NPHP4: variants seen among roughly 807,000 people sequenced by gnomAD.
The protein encoded by NPHP4 is nephrocystin-4.
NPHP4 carries 151 observed loss-of-function variants against 155.8 expected under a neutral mutation model. The observed-to-expected ratio is 0.97, with a 90% CI of 0.85 to 1.11. NPHP4 has a LOEUF of 1.11. Ranked by LOEUF, NPHP4 falls within the 50% of genes least tolerant of loss-of-function variation. NPHP4 has a pLI of 0.00. For missense variants in NPHP4, 1,956 were observed against 1,925.7 expected (o/e 1.02, Z -0.29); for synonymous variants, 845 against 816.8 (o/e 1.03, Z -0.59).
Position 5,991,070 on chromosome 1 carries a change from G to C in NPHP4, c.-39+1174C>G, listed in dbSNP as rs997331845. Among the ~76,000 whole-genome samples, 5 of 152,246 alleles carry C rather than the reference G, an allele frequency of 3.3e-5. No individual in the cohort carries two copies. In the East Asian group the frequency reaches 9.7e-4, roughly 29 times the overall value. The stretch of plus-strand genomic sequence containing the variant: ...TGAGCAGGGCTGAAGGAAGATGCAG[G>C]GGGTGGGAGGCGCTGTCAGGGTCCG... On this transcript the variant is annotated intron_variant, in intron 1 of 29. Coordinates refer to ENST00000378156, the MANE Select transcript of NPHP4 (RefSeq NM_015102.5).
Position 5,947,286 on chromosome 1 carries a change from G to A in NPHP4, c.993-56C>T, listed in dbSNP as rs182466746. On this transcript the variant is annotated intron_variant, in intron 8 of 29. Coordinates refer to ENST00000378156, the MANE Select transcript of NPHP4 (RefSeq NM_015102.5). The stretch of plus-strand genomic sequence containing the variant: ...TAGAGCTCGAGCTCCCATCCTTCCC[G>A]CATCCACGTCGACCACTGTCAGAAC... 7.4e-3 allele frequency: 11,842 copies of A among 1,593,550 alleles called. 123 individuals are homozygous for A. The highest frequency in any genetic ancestry group is 6.5e-3 in the Non-Finnish European group (7,634 of 1,166,868).
At chr1:5,955,788 G>A (rs1248159636) in intron 6 of NPHP4, among the ~76,000 whole-genome samples, 1 of 152,222 alleles carries the variant, frequency 6.6e-6, no homozygotes, top group Non-Finnish European at 1.5e-5. Context: ...ACAAGTTACA[G>A]TCTAAATTCT....
chr1:5,904,937 C>A (rs911188984), intron 15 of NPHP4, 133 bp from the exon 16 acceptor site: 1 of 816,634 alleles, frequency 1.2e-6, no homozygotes, highest in Admixed American at 2.3e-5. Context: ...GCCGTGGTCA[C>A]CAATGCAACC....
intron 16 of NPHP4, among the ~76,000 whole-genome samples, chr1:5,891,421 A>T (rs1342800847): frequency 6.6e-6 from 1 of 152,204 alleles, no homozygotes; most frequent in Non-Finnish European, 1.5e-5. Context: ...ACACACAGGC[A>T]GAGCTCAAAC....
intron 10 of NPHP4, among the ~76,000 whole-genome samples, chr1:5,931,752 A>AAAAAAAC (rs1557764554): frequency 4.7e-5 from 7 of 147,812 alleles, no homozygotes; most frequent in African/African-American, 1.0e-4. Flanking sequence ...AAAAAAAAAA[A>AAAAAAAC]AAAAAACTTT....
intron 2 of NPHP4, among the ~76,000 whole-genome samples, chr1:5,985,483 G>A (rs1655338746): frequency 6.6e-6 from 1 of 152,242 alleles, no homozygotes; most frequent in African/African-American, 2.4e-5. Flanking sequence ...CTGCCAGAAT[G>A]CCCGTAGCTC....
intron 16 of NPHP4, among the ~76,000 whole-genome samples, chr1:5,895,836 G>C (rs1644367611): frequency 6.6e-6 from 1 of 152,218 alleles, no homozygotes; most frequent in Admixed American, 6.5e-5. Flanking sequence ...ACCCCACAGA[G>C]CATGATGCGG....
intron 11 of NPHP4, among the ~76,000 whole-genome samples, chr1:5,914,586 A>G (rs1344984479): frequency 2.0e-5 from 3 of 152,254 alleles, no homozygotes; most frequent in Admixed American, 6.5e-5. Flanking sequence ...TAAAAAGTGA[A>G]AATAGAAGCA....
chr1:5,923,169 A>G (rs771942576), intron 11 of NPHP4, among the ~76,000 whole-genome samples: 46 of 152,148 alleles, frequency 3.0e-4, no homozygotes, highest in Non-Finnish European at 4.4e-4. Context: ...ACGCTTTCAA[A>G]CCCCGGGATG....
chr1:5,933,354 G>C, intron 9 of NPHP4, 25 bp from the exon 10 acceptor site: 1 of 1,598,996 alleles, frequency 6.3e-7, no homozygotes. Flanking sequence ...AAGCACATCG[G>C]TGTATGAGTT....
At chr1:5,901,475 A>T (rs1205529672) in intron 16 of NPHP4, among the ~76,000 whole-genome samples, 1 of 152,210 alleles carries the variant, frequency 6.6e-6, no homozygotes, top group Non-Finnish European at 1.5e-5. Flanking sequence ...TCAACTTAAG[A>T]ATTTTGGACT....
chr1:5,894,447 C>T (rs1644294487), intron 16 of NPHP4, among the ~76,000 whole-genome samples: 1 of 139,438 alleles, frequency 7.2e-6, no homozygotes, highest in Admixed American at 7.2e-5. Context: ...AAGACCCAGT[C>T]TCAAAAAAAA....
chr1:5,978,247 C>T (rs1398020031), intron 3 of NPHP4, 23 bp downstream of exon 3: 1 of 1,595,916 alleles, frequency 6.3e-7, no homozygotes, highest in South Asian at 1.1e-5. Flanking sequence ...GGAGCAGCCC[C>T]TGCCACCATC....
At chr1:5,918,892 C>A (rs752686793) in intron 11 of NPHP4, among the ~76,000 whole-genome samples, 1 of 152,162 alleles carries the variant, frequency 6.6e-6, no homozygotes, top group African/African-American at 2.4e-5. Context: ...TTTATCAGAC[C>A]TTCAAGAAAC....
Position 5,967,321 on chromosome 1 carries a change from CG to C in NPHP4, c.494del (p.Pro165ArgfsTer13). The C allele has an allele frequency of 6.2e-7, 1 of 1,606,958 alleles. No individual in the cohort carries two copies. Among genetic ancestry groups the C allele is most frequent in the South Asian group, 1.1e-5 (1 of 89,068 alleles). On this transcript the variant is annotated frameshift_variant, in exon 5 of 30. Coordinates refer to ENST00000378156, the MANE Select transcript of NPHP4 (RefSeq NM_015102.5). LOFTEE classifies it high-confidence loss of function. Reference sequence around the variant, plus strand: ...TACGCTCTGCGGGGTCCTGGAGAAGCGGGTGCAGGAGGGCTCTGGGGGTGCC... The same window carrying C: ...TACGCTCTGCGGGGTCCTGGAGAAGCGGTGCAGGAGGGCTCTGGGGGTGCC... ...YHGTPRALLH[P>X]LLQDPAEQNR...
At chr1:5,888,059 G>A (rs1028525688) in intron 17 of NPHP4, among the ~76,000 whole-genome samples, 1 of 152,158 alleles carries the variant, frequency 6.6e-6, no homozygotes, top group South Asian at 2.1e-4. Flanking sequence ...TGGGGCCCAG[G>A]GAGGGGCCAT....
chr1:5,869,322 T>TAC (rs1049755374), intron 23 of NPHP4, among the ~76,000 whole-genome samples: 7 of 137,108 alleles, frequency 5.1e-5, no homozygotes, highest in Non-Finnish European at 9.4e-5. Flanking sequence ...TGGATGCACA[T>TAC]ACACACACAC....
intron 7 of NPHP4, among the ~76,000 whole-genome samples, chr1:5,948,726 T>C (rs1339030303): frequency 6.6e-6 from 1 of 151,962 alleles, no homozygotes. Flanking sequence ...GAGGCAGAGC[T>C]CATCACATTT....
intron 21 of NPHP4, 74 bp downstream of exon 21, chr1:5,874,800 C>T: frequency 6.4e-7 from 1 of 1,552,576 alleles, no homozygotes. Context: ...GAATTCGAGC[C>T]AGCTCAGCAG....
Sources: gnomAD v4.1 joint callset for allele counts (sites outside exome capture counted in the v4.1 genomes callset) on GRCh38, gnomAD v4.1.1 for gene constraint, MANE v1.5 for transcripts, NCBI Gene and HGNC (gene_info 2026-07-23, HGNC 2026-07-21) for gene names.